Variants in CGNL1 observed in about 807,000 individuals in gnomAD.
The protein encoded by CGNL1 is cingulin-like protein 1.
A neutral mutation model predicts 141.2 loss-of-function variants in CGNL1; 132 were observed. The observed-to-expected ratio is 0.93, with a 90% CI of 0.81 to 1.08. The LOEUF is 1.08. Among genes scored for constraint, CGNL1 ranks in the 50% least tolerant of loss-of-function variants. CGNL1 has a pLI of 0.00. For synonymous variants in CGNL1, 690 were observed against 622.1 expected (o/e 1.11, Z -1.63); for missense variants, 1,870 against 1,588.6 (o/e 1.18, Z -3.01).
intron 4 of CGNL1, among the ~76,000 whole-genome samples, chr15:57,449,334 C>T (rs965672972): frequency 5.9e-5 from 9 of 152,212 alleles, no homozygotes; most frequent in African/African-American, 2.2e-4. Flanking sequence ...TATCTCTAAA[C>T]TCTAATCTCT....
intron 14 of CGNL1, 89 bp from the exon 15 acceptor site, chr15:57,543,607 G>A: frequency 8.6e-7 from 1 of 1,164,804 alleles, no homozygotes; most frequent in Non-Finnish European, 1.3e-6. Context: ...TAAAGTGGAG[G>A]TTGACATTCA....
In CGNL1 at chr15:57,516,956, C is replaced by G; in HGVS notation, c.2580C>G (p.Ala860=). 6.2e-7 allele frequency: 1 copy of G among 1,613,452 alleles called. No homozygotes were observed. The highest frequency in any genetic ancestry group is 8.5e-7 in the Non-Finnish European group (1 of 1,179,996). The change falls in exon 9 of 19, where the codon GCC becomes GCG. Residue 860 remains alanine, a synonymous_variant. Coordinates refer to ENST00000281282, the MANE Select transcript of CGNL1 (RefSeq NM_032866.5). ...TCGAGGACCTGAAAGGCGATGAAGC[C>G]AAGGCGAAGGAAACGCTGAAGAAGT... ...RQIEDLKGDE[A]KAKETLKKYE... is the part of the protein sequence containing the mutation.
chr15:57,536,057 A>T (rs1166077171), intron 14 of CGNL1, among the ~76,000 whole-genome samples: 1 of 152,214 alleles, frequency 6.6e-6, no homozygotes, highest in African/African-American at 2.4e-5. Flanking sequence ...CTCACAGTTC[A>T]GCATGGCTGG....
At chr15:57,510,540 C>T (rs1483662313) in intron 8 of CGNL1, among the ~76,000 whole-genome samples, 1 of 152,178 alleles carries the variant, frequency 6.6e-6, no homozygotes, top group Non-Finnish European at 1.5e-5. Flanking sequence ...TTGGCAAAGT[C>T]ACAGGGGAAA....
rs141102395 is a variant in CGNL1 at position 57,391,692 on chromosome 15, A to G, written c.-16+15125A>G. ...AAATGACATTTGTTACCTCATGTAA[A>G]CAAGAAGTCCAAAGTCTGGGCTGTT... On this transcript the variant is annotated intron_variant, in intron 1 of 18. Transcript: ENST00000281282. Among the ~76,000 whole-genome samples the G allele has an allele frequency of 7.9e-4, 120 of 152,338 alleles. 1 individual carries two copies. The East Asian group carries it at 0.021, about 26-fold the overall frequency.
chr15:57,541,130 C>A (rs2032542395), intron 14 of CGNL1, among the ~76,000 whole-genome samples: 1 of 152,240 alleles, frequency 6.6e-6, no homozygotes, highest in Admixed American at 6.5e-5. Flanking sequence ...AAGTTCCTTG[C>A]TTAGGAGCCT....
At chr15:57,496,996 C>A (rs577543208) in intron 8 of CGNL1, among the ~76,000 whole-genome samples, 1 of 152,118 alleles carries the variant, frequency 6.6e-6, no homozygotes, top group Non-Finnish European at 1.5e-5. Flanking sequence ...GTTGCATCCA[C>A]GTTGTGTGGA....
chr15:57,533,589 G>T (rs140991830), intron 14 of CGNL1, among the ~76,000 whole-genome samples: 1 of 152,156 alleles, frequency 6.6e-6, no homozygotes, highest in Admixed American at 6.5e-5. Context: ...TAATGAGGCC[G>T]TTACAACAGA....
chr15:57,453,690 CA>C lies in CGNL1; in HGVS notation c.2063del (p.Gln688ArgfsTer2). The C allele has an allele frequency of 1.9e-6, 3 of 1,613,730 alleles. No homozygotes were observed. The highest frequency in any genetic ancestry group is 2.5e-6 in the Non-Finnish European group (3 of 1,179,870). ...ELRKNLEELF[Q>X]VKMEREQHQT... ...GGCTTCCTTCCCTGCCAGGCTATTC[CA>C]GGTGAAGATGGAACGGGAGCAGCAT... On this transcript the variant is annotated frameshift_variant, in exon 7 of 19. Coordinates refer to ENST00000281282, the MANE Select transcript of CGNL1 (RefSeq NM_032866.5). LOFTEE classifies it high-confidence loss of function.
At chr15:57,503,202 A>G (rs1595772696) in intron 8 of CGNL1, among the ~76,000 whole-genome samples, 1 of 152,286 alleles carries the variant, frequency 6.6e-6, no homozygotes, top group East Asian at 1.9e-4. Flanking sequence ...CTCAATAGTT[A>G]GGTCAGTAGG....
intron 10 of CGNL1, among the ~76,000 whole-genome samples, chr15:57,523,211 A>C (rs1321852820): frequency 6.6e-6 from 1 of 152,142 alleles, no homozygotes; most frequent in African/African-American, 2.4e-5. Flanking sequence ...AATTCCCACC[A>C]CCAGCAGCCT....
At chr15:57,390,177 G>C (rs190581981) in intron 1 of CGNL1, among the ~76,000 whole-genome samples, 18 of 152,342 alleles carry the variant, frequency 1.2e-4, no homozygotes, top group African/African-American at 3.6e-4. Flanking sequence ...TGTTGGTTGG[G>C]TGTGGTTTGG....
At chr15:57,416,576 T>C (rs2062852075) in intron 1 of CGNL1, among the ~76,000 whole-genome samples, 1 of 152,172 alleles carries the variant, frequency 6.6e-6, no homozygotes. Context: ...TTTGAATTTG[T>C]GTTGCTCCAG....
intron 1 of CGNL1, among the ~76,000 whole-genome samples, chr15:57,394,731 G>A (rs1304270442): frequency 6.6e-6 from 1 of 152,174 alleles, no homozygotes; most frequent in African/African-American, 2.4e-5. Context: ...CATTCAGGGT[G>A]GTGTGGCTGG....
At position 57,391,893 on chromosome 15, in the gene CGNL1, A is replaced by G. The variant is rs778606039; in HGVS notation, c.-16+15326A>G. ...GTCCACAGGCAGGAAAAGAGGAAAG[A>G]ACAGAAAAGATGCAAATCAGCATGT... On this transcript the variant is annotated intron_variant, in intron 1 of 18. Coordinates refer to ENST00000281282, the MANE Select transcript of CGNL1 (RefSeq NM_032866.5). Among the ~76,000 whole-genome samples the G allele has an allele frequency of 1.6e-4, 24 of 152,194 alleles. 1 individual carries two copies. The highest frequency in any genetic ancestry group is 5.2e-4 in the Admixed American group (8 of 15,278).
At chr15:57,418,217 C>A (rs1335582431) in intron 1 of CGNL1, among the ~76,000 whole-genome samples, 2 of 152,062 alleles carry the variant, frequency 1.3e-5, no homozygotes, top group Non-Finnish European at 2.9e-5. Flanking sequence ...ACTTGGCTAC[C>A]CCTTGTTTTC....
intron 8 of CGNL1, among the ~76,000 whole-genome samples, chr15:57,512,831 T>C (rs2030434001): frequency 1.3e-5 from 2 of 152,166 alleles, no homozygotes; most frequent in African/African-American, 4.8e-5. Flanking sequence ...CAGATGGTCT[T>C]GAGCCTCTTC....
chr15:57,500,959 A>C (rs1434139125), intron 8 of CGNL1, among the ~76,000 whole-genome samples: 4 of 152,252 alleles, frequency 2.6e-5, no homozygotes, highest in Non-Finnish European at 4.4e-5. Context: ...TTAGCCCATG[A>C]CACTGCTAAA....
intron 8 of CGNL1, 142 bp downstream of exon 8, chr15:57,462,034 A>G (rs3825779): frequency 0.21 from 145,816 of 682,182 alleles, 17,355 homozygotes; most frequent in African/African-American, 0.41. Context: ...AGAGCTTATT[A>G]ACAAAGAATA....
Sources: gnomAD v4.1 joint callset for allele counts (sites outside exome capture counted in the v4.1 genomes callset) on GRCh38, gnomAD v4.1.1 for gene constraint, MANE v1.5 for transcripts, NCBI Gene and HGNC (gene_info 2026-07-23, HGNC 2026-07-21) for gene names.